Variants in PSD4 observed in about 807,000 individuals in gnomAD.
PSD4 encodes pleckstrin and Sec7 domain containing 4, also known as PH and SEC7 domain-containing protein 4.
In PSD4, 59 loss-of-function variants were observed where a neutral mutation model predicts 112.5. The ratio of observed to expected loss-of-function variants is 0.52; its 90% CI spans 0.43 to 0.65. PSD4 has a LOEUF of 0.65. PSD4 is among the 30% of genes least tolerant of loss of function. The probability of loss-of-function intolerance (pLI) is 0.00; values close to 1 mark genes in which losing one functional copy is unlikely to be tolerated. For missense variants in PSD4, 1,267 were observed against 1,352.6 expected, an observed-to-expected ratio of 0.94 and a Z score of 0.99; for synonymous variants, 533 against 540.0, an observed-to-expected ratio of 0.99 and a Z score of 0.18.
chr2:113,183,576 G>A lies in PSD4; in HGVS notation c.1056+64G>A, dbSNP rs575654364. The A allele has an allele frequency of 6.9e-5, 97 of 1,405,312 alleles. No individual in the cohort carries two copies. In the Admixed American group the frequency reaches 1.9e-3, roughly 27 times the overall value. The allele number at this position is 1,405,312 out of a possible 1,614,324, so 87.1% of individuals were successfully genotyped here. On this transcript the variant is annotated intron_variant, in intron 2 of 16. Transcript: ENST00000245796. Reference sequence around the variant, plus strand: ...GAACACAGAAGGGAGGGTCTTCCTCGGGGGTCACCAGGCCCAGAACATTCT... The same window carrying A: ...GAACACAGAAGGGAGGGTCTTCCTCAGGGGTCACCAGGCCCAGAACATTCT...
chr2:113,186,139 G>T lies in PSD4; in HGVS notation c.1512G>T (p.Lys504Asn). The change falls in exon 5 of 17, where the codon AAG (lysine) becomes AAT (asparagine). Residue 504 changes from lysine to asparagine, a missense_variant. This residue lies in a region of PSD4 where 723 missense variants were observed against 704.0 expected (regional missense o/e 1.03). Coordinates refer to ENST00000245796, the MANE Select transcript of PSD4 (RefSeq NM_012455.3). ...ETDGEQPSSL[K>N]KKEAGEAPKP... ...ATGGGGAACAGCCAAGTTCCTTGAAGAAAAAGGAGGCAGGGGAGGCCCCAA... is the reference window on the plus strand; with the variant it reads ...ATGGGGAACAGCCAAGTTCCTTGAATAAAAAGGAGGCAGGGGAGGCCCCAA... The T allele has an allele frequency of 6.2e-7, 1 of 1,614,196 alleles. No individual in the cohort carries two copies. Among genetic ancestry groups the T allele is most frequent in the Non-Finnish European group, 8.5e-7 (1 of 1,180,048 alleles).
chr2:113,198,072 C>A, intron 14 of PSD4, 159 bp downstream of exon 14: 1 of 971,686 alleles, frequency 1.0e-6, no homozygotes. Flanking sequence ...GGAAGAGGAG[C>A]TGGGGACCAG....
At chr2:113,187,656 C>G (rs999399199) in intron 5 of PSD4, among the ~76,000 whole-genome samples, 2 of 152,202 alleles carry the variant, frequency 1.3e-5, no homozygotes, top group African/African-American at 4.8e-5. Flanking sequence ...TCTGCTTCCC[C>G]CACAACGTCA....
Position 113,201,889 on chromosome 2 carries a change from T to C in PSD4, c.*474T>C. The C allele has an allele frequency of 6.2e-6, 1 of 161,978 alleles. No individual in the cohort carries two copies. The highest frequency in any genetic ancestry group is 1.4e-5 in the Non-Finnish European group (1 of 73,250). 10.0% of individuals were successfully genotyped at this position (161,978 alleles called of 1,614,324 possible). On this transcript the variant is annotated 3_prime_UTR_variant, in exon 17 of 17. Transcript: ENST00000245796. The stretch of plus-strand genomic sequence containing the variant: ...GCCACAGCCCCAAGGATGGTCTTGC[T>C]CTGGGAATTAGGTGACCTTCCTGGG...
intron 6 of PSD4, among the ~76,000 whole-genome samples, 193 bp downstream of exon 6, chr2:113,192,782 C>T (rs1041779251): frequency 1.3e-5 from 2 of 152,204 alleles, no homozygotes; most frequent in Non-Finnish European, 2.9e-5. Flanking sequence ...ATGCTCTCCA[C>T]ACCCTTGGTC....
rs955451945 is a variant in PSD4 at position 113,182,353 on chromosome 2, A to G, written c.-104A>G. 16 of 1,149,738 alleles carry G rather than the reference A, an allele frequency of 1.4e-5. No homozygotes were observed. The highest frequency in any genetic ancestry group is 2.1e-4 in the Middle Eastern group (1 of 4,726). 71.2% of individuals were successfully genotyped at this position (1,149,738 alleles called of 1,614,324 possible). A position where few individuals can be genotyped will look rare whatever the true frequency, so the allele number is the denominator to read the frequency against. ...TGCTTTGGGCATTTCCAGGGTAGAT[A>G]TGGATTCCCAGTTTCTCCAGCGGCC... On this transcript the variant is annotated 5_prime_UTR_variant, in exon 2 of 17. It adds an upstream start codon to the 5' untranslated region. Coordinates refer to ENST00000245796, the MANE Select transcript of PSD4 (RefSeq NM_012455.3).
chr2:113,197,945 G>T (rs894315189), intron 14 of PSD4, 32 bp downstream of exon 14: 15 of 1,520,016 alleles, frequency 9.9e-6, no homozygotes, highest in African/African-American at 9.6e-5. Context: ...CTGTGGCAAG[G>T]CCTTGCCCTG....
chr2:113,183,172 C>A lies in PSD4; in HGVS notation c.716C>A (p.Ala239Asp), dbSNP rs776108849. The A allele has an allele frequency of 1.2e-6, 2 of 1,614,174 alleles. No homozygotes were observed. Among genetic ancestry groups the A allele is most frequent in the South Asian group, 1.1e-5 (1 of 91,080 alleles). Residue 239 changes from alanine (A) to aspartate (D), a missense_variant, in exon 2 of 17, where the codon GCT becomes GAT. Around this residue, in one of 2 missense-constraint regions of PSD4, gnomAD observed 723 missense variants for 704.0 expected, o/e 1.03. Transcript: ENST00000245796. The part of the protein sequence containing the change: ...GTPDSSPQWG[A>D]EEESMFFSNP... ...CCAGACTCTTCCCCACAGTGGGGAG[C>A]TGAGGAGGAGAGCATGTTCTTCAGC... is the stretch of plus-strand genomic sequence containing the variant.
In PSD4 at chr2:113,207,097, A is replaced by G. The variant is rs958372429; in HGVS notation, c.*5682A>G. ...CAAGATCCATTTTCTTGGTGCAAAT[A>G]TAGCAGAAAGTGACTCTCTGCTTCC... On this transcript the variant is annotated 3_prime_UTR_variant, in exon 17 of 17. Transcript: ENST00000245796. The G allele has an allele frequency of 2.0e-5, 3 of 152,278 alleles. No individual in the cohort carries two copies. The highest frequency in any genetic ancestry group is 4.8e-5 in the African/African-American group (2 of 41,540). The allele number at this position is 152,278 out of a possible 1,614,324, so 9.4% of individuals were successfully genotyped here. A position where few individuals can be genotyped will look rare whatever the true frequency, so the allele number is the denominator to read the frequency against.
intron 1 of PSD4, among the ~76,000 whole-genome samples, chr2:113,176,554 T>G (rs1687986624): frequency 6.6e-6 from 1 of 152,190 alleles, no homozygotes; most frequent in African/African-American, 2.4e-5. Flanking sequence ...TGAACCCTCC[T>G]TAAACTTTCA....
intron 1 of PSD4, among the ~76,000 whole-genome samples, chr2:113,179,027 A>G (rs1435471010): frequency 6.6e-6 from 1 of 152,030 alleles, no homozygotes; most frequent in Non-Finnish European, 1.5e-5. Context: ...CTTCCTAGTC[A>G]TTTATTATAC....
chr2:113,185,108 C>T (rs1688258157), intron 3 of PSD4, 35 bp downstream of exon 3: 4 of 1,613,586 alleles, frequency 2.5e-6, no homozygotes, highest in South Asian at 2.2e-5. Context: ...CTTACTTTCT[C>T]CATCTTTGGA....
In PSD4 at chr2:113,198,863, G is replaced by A; in HGVS notation, c.2748G>A (p.Val916=). 1 of 1,594,702 alleles carries A rather than the reference G, an allele frequency of 6.3e-7. No homozygotes were observed. The highest frequency in any genetic ancestry group is 8.5e-7 in the Non-Finnish European group (1 of 1,177,132). ...GATTCGTGCGGCCCATCCTGCCCGT[G>A]GGCCCCGCCCAGAGCTCCCTGGTAC... ...QRRFVRPILP[V]GPAQSSLEEQ... The change falls in exon 15 of 17, where the codon GTG becomes GTA. Residue 916 remains valine (V), a synonymous_variant. Transcript: ENST00000245796.
chr2:113,177,652 T>C (rs1295521425), intron 1 of PSD4, among the ~76,000 whole-genome samples: 1 of 150,764 alleles, frequency 6.6e-6, no homozygotes, highest in Non-Finnish European at 1.5e-5. Context: ...GATCTTTAAA[T>C]TTCAAATCCA....
intron 9 of PSD4, 78 bp downstream of exon 9, chr2:113,193,728 G>A: frequency 6.4e-7 from 1 of 1,565,872 alleles, no homozygotes; most frequent in Non-Finnish European, 8.8e-7. Flanking sequence ...AGAGGCCTGA[G>A]ACCGGGCAGG....
chr2:113,189,796 G>A (rs1351888212), intron 5 of PSD4, among the ~76,000 whole-genome samples: 6 of 152,040 alleles, frequency 3.9e-5, no homozygotes, highest in Non-Finnish European at 8.8e-5. Flanking sequence ...ATATTTGTTG[G>A]CCATTTGTAT....
chr2:113,205,653 C>T lies in PSD4; in HGVS notation c.*4238C>T, dbSNP rs1421159395. The T allele has an allele frequency of 6.6e-6, 1 of 152,096 alleles. No homozygotes were observed. Among genetic ancestry groups the T allele is most frequent in the Non-Finnish European group, 1.5e-5 (1 of 68,032 alleles). 9.4% of individuals were successfully genotyped at this position (152,096 alleles called of 1,614,324 possible). ...GAAAAAGAAAAAAAAGATGAAATGCCTTGAAAAAGTAAGGCCAATGGGTAG... is the reference window on the plus strand; with the variant it reads ...GAAAAAGAAAAAAAAGATGAAATGCTTTGAAAAAGTAAGGCCAATGGGTAG... On this transcript the variant is annotated 3_prime_UTR_variant, in exon 17 of 17. Transcript: ENST00000245796.
intron 12 of PSD4, among the ~76,000 whole-genome samples, chr2:113,196,774 T>C (rs992772319): frequency 1.3e-5 from 2 of 151,880 alleles, no homozygotes; most frequent in Non-Finnish European, 2.9e-5. Context: ...GCAGAGGGCA[T>C]CCCCCACAGA....
At position 113,201,358 on chromosome 2, in the gene PSD4, C is replaced by T; in HGVS notation, c.3114C>T (p.Ile1038=). 6.2e-7 allele frequency: 1 copy of T among 1,614,210 alleles called. No homozygotes were observed. Among genetic ancestry groups the T allele is most frequent in the Non-Finnish European group, 8.5e-7 (1 of 1,180,040 alleles). The change falls in exon 17 of 17, where the codon ATC becomes ATT. Residue 1038 remains isoleucine, a synonymous_variant. Transcript: ENST00000245796. ...CCACGGCCAAGGTGAAGCGCAACAT[C>T]TCAGAGCGCAGAACCTACCGGAAGA... ...APTTAKVKRN[I]SERRTYRKII...
Sources: gnomAD v4.1 joint callset for allele counts (sites outside exome capture counted in the v4.1 genomes callset) on GRCh38, gnomAD v4.1.1 for gene constraint, gnomAD v4.1.1 regional missense constraint, MANE v1.5 for transcripts, NCBI Gene and HGNC (gene_info 2026-07-23, HGNC 2026-07-21) for gene names.